The following CRACD variants were observed in gnomAD, a reference collection of about 807,000 sequenced individuals.
CRACD encodes the protein capping protein inhibiting regulator of actin dynamics, also known as capping protein-inhibiting regulator of actin dynamics.
CRACD carries 56 observed loss-of-function variants against 106.8 expected under a neutral mutation model. The ratio of observed to expected loss-of-function variants is 0.52; its 90% CI spans 0.42 to 0.66. The LOEUF (loss-of-function observed/expected upper bound fraction) is 0.66, where lower values mean the gene tolerates loss of function less well. CRACD is among the 30% of genes least tolerant of loss of function. CRACD has a pLI of 0.00. For synonymous variants in CRACD, 754 were observed against 670.8 expected (o/e 1.12, Z -1.92); for missense variants, 1,730 against 1,623.2 (o/e 1.07, Z -1.13).
At chr4:56,269,212 G>A (rs1321221809) in intron 2 of CRACD, among the ~76,000 whole-genome samples, 3 of 151,840 alleles carry the variant, frequency 2.0e-5, no homozygotes, top group African/African-American at 4.8e-5. Flanking sequence ...GTGATACCCC[G>A]TCTCTACTAA....
intron 6 of CRACD, among the ~76,000 whole-genome samples, chr4:56,312,079 G>A (rs557691702): frequency 3.3e-5 from 5 of 151,998 alleles, no homozygotes; most frequent in African/African-American, 7.2e-5. Context: ...GATTTTTGCC[G>A]CTCATTTTTC....
chr4:56,141,529 C>T (rs1735195925), intron 1 of CRACD, among the ~76,000 whole-genome samples: 4 of 151,646 alleles, frequency 2.6e-5, no homozygotes, highest in African/African-American at 7.3e-5. Flanking sequence ...CCCAGGAGGT[C>T]GAGCCTGCAG....
At chr4:56,125,940 T>C (rs1417582336) in intron 1 of CRACD, among the ~76,000 whole-genome samples, 2 of 151,768 alleles carry the variant, frequency 1.3e-5, no homozygotes, top group Admixed American at 1.3e-4. Context: ...CCTGGCTGAT[T>C]TTTGTATTTT....
chr4:56,313,126 C>A, intron 6 of CRACD, 71 bp from the exon 7 acceptor site: 1 of 1,386,846 alleles, frequency 7.2e-7, no homozygotes, highest in Non-Finnish European at 1.0e-6. Context: ...GGAACGAGTG[C>A]CACCGTTCTG....
chr4:56,308,484 AAAAC>A (rs1000901039), intron 5 of CRACD, among the ~76,000 whole-genome samples: 4 of 88,848 alleles, frequency 4.5e-5, no homozygotes, highest in African/African-American at 6.2e-5. Context: ...AAAAAATGAA[AAAAC>A]AAACAAAAAA....
chr4:56,243,194 C>T (rs1017791934), intron 2 of CRACD, among the ~76,000 whole-genome samples: 1 of 152,186 alleles, frequency 6.6e-6, no homozygotes, highest in Non-Finnish European at 1.5e-5. Context: ...CTGCTTCATT[C>T]TCTTAAAAGA....
chr4:56,063,822 T>C (rs1463369365), intron 1 of CRACD, among the ~76,000 whole-genome samples: 2 of 152,220 alleles, frequency 1.3e-5, no homozygotes, highest in African/African-American at 4.8e-5. Context: ...GGTGTACAGG[T>C]ATCTGAGTTC....
At chr4:56,128,332 C>G (rs947776235) in intron 1 of CRACD, among the ~76,000 whole-genome samples, 10 of 152,176 alleles carry the variant, frequency 6.6e-5, no homozygotes, top group African/African-American at 2.4e-4. Context: ...TTAAAGACTT[C>G]TGAGAACACG....
intron 3 of CRACD, among the ~76,000 whole-genome samples, chr4:56,284,785 CT>C (rs548087034): frequency 1.9e-3 from 291 of 152,142 alleles, no homozygotes; most frequent in Admixed American, 5.0e-3. Context: ...ATGCAAAGCA[CT>C]TTTATTTTCT....
intron 1 of CRACD, among the ~76,000 whole-genome samples, chr4:56,169,375 G>A (rs1370953734): frequency 2.0e-5 from 3 of 152,088 alleles, no homozygotes; most frequent in East Asian, 1.9e-4. Flanking sequence ...ATTAGCTCAG[G>A]GAATAGTACT....
chr4:56,276,267 G>A (rs1421700124), intron 3 of CRACD, among the ~76,000 whole-genome samples: 1 of 152,148 alleles, frequency 6.6e-6, no homozygotes, highest in African/African-American at 2.4e-5. Context: ...TTTTAAAAGA[G>A]GGAGAGGGTC....
chr4:56,149,629 G>A (rs992929201), intron 1 of CRACD, among the ~76,000 whole-genome samples: 1 of 152,196 alleles, frequency 6.6e-6, no homozygotes, highest in African/African-American at 2.4e-5. Context: ...TAAATTAAAA[G>A]CGATGATTTT....
chr4:56,153,216 C>A (rs1735648634), intron 1 of CRACD, among the ~76,000 whole-genome samples: 1 of 151,806 alleles, frequency 6.6e-6, no homozygotes. Context: ...GAGGCGGAGG[C>A]TGCAGTGAGC....
intron 10 of CRACD, among the ~76,000 whole-genome samples, chr4:56,326,739 A>G (rs1484344474): frequency 1.4e-5 from 2 of 141,066 alleles, no homozygotes; most frequent in Non-Finnish European, 3.0e-5. Context: ...TGGGGACGGT[A>G]GCTTTTTTTT....
At position 56,212,278 on chromosome 4, in the gene CRACD, A is replaced by G. The variant is rs143674311; in HGVS notation, c.-189+32848A>G. On this transcript the variant is annotated intron_variant, in intron 2 of 10. Transcript: ENST00000682029. ...CTGGAAGTTACCTTATATAGTCTAA[A>G]ACAGGGAGGAACCTGCAGCTCCAGG... Among the ~76,000 whole-genome samples the G allele has an allele frequency of 3.1e-3, 470 of 152,338 alleles. 1 individual carries two copies. Among genetic ancestry groups the G allele is most frequent in the African/African-American group, 0.01 (427 of 41,578 alleles).
At position 56,256,588 on chromosome 4, in the gene CRACD, C is replaced by T. The variant is rs191808194; in HGVS notation, c.-188-15733C>T. Among the ~76,000 whole-genome samples, 6 of 151,178 alleles carry T rather than the reference C, an allele frequency of 4.0e-5. No homozygotes were observed. The East Asian group carries it at 1.2e-3, about 29-fold the overall frequency. On this transcript the variant is annotated intron_variant, in intron 2 of 10. Transcript: ENST00000682029. ...TACTGTGAACTGGGCATTGTCTGAG[C>T]CACTACACCATGAAGTTAGGAAGGT...
At chr4:56,268,673 G>A (rs1268985458) in intron 2 of CRACD, among the ~76,000 whole-genome samples, 1 of 152,182 alleles carries the variant, frequency 6.6e-6, no homozygotes, top group African/African-American at 2.4e-5. Context: ...CGTAGAGAAA[G>A]TTTTCAATTA....
intron 1 of CRACD, among the ~76,000 whole-genome samples, chr4:56,084,628 G>A (rs981309094): frequency 6.6e-6 from 1 of 152,200 alleles, no homozygotes; most frequent in African/African-American, 2.4e-5. Context: ...ACTGAGCTAT[G>A]TCTGATGAGA....
rs750360482 is a variant in CRACD, at chr4:56,315,779, C to G, written c.2277C>G (p.Pro759=). 3.1e-6 allele frequency: 5 copies of G among 1,614,224 alleles called. No homozygotes were observed. Among genetic ancestry groups the G allele is most frequent in the South Asian group, 2.2e-5 (2 of 91,088 alleles). ...TGGGACCCAGCGAAGAGACAGCCCCCCAGCCTCCTCCTGCTGGTGTTCGCG... is the reference window on the plus strand; with the variant it reads ...TGGGACCCAGCGAAGAGACAGCCCCGCAGCCTCCTCCTGCTGGTGTTCGCG... ...PMLGPSEETA[P]QPPPAGVREL... The change falls in exon 8 of 11, where the codon CCC becomes CCG. Residue 759 remains proline, a synonymous_variant. Coordinates refer to ENST00000682029, the MANE Select transcript of CRACD (RefSeq NM_001393381.1). The surrounding 1 kb of genome is among the most constrained non-coding windows in gnomAD (Gnocchi z 4.1).
Sources: allele counts gnomAD v4.1 joint callset (sites outside exome capture counted in the v4.1 genomes callset), GRCh38; gene constraint gnomAD v4.1.1; non-coding constraint Gnocchi (gnomAD v3.1); transcripts MANE v1.5; gene names NCBI Gene and HGNC (gene_info 2026-07-23, HGNC 2026-07-21).